BANP: variants seen among roughly 807,000 people sequenced by gnomAD.
BANP encodes BTG3 associated nuclear protein, also known as protein BANP.
In BANP, 11 loss-of-function variants were observed where a neutral mutation model predicts 68.1. That is an observed-to-expected ratio of 0.16 (90% CI 0.10 to 0.27). The LOEUF is 0.27. Ranked by LOEUF, BANP falls within the 10% of genes least tolerant of loss-of-function variation. The pLI is 1.00. For missense variants in BANP, 504 were observed against 722.7 expected, an observed-to-expected ratio of 0.70 and a Z score of 3.47; for synonymous variants, 329 against 303.2, an observed-to-expected ratio of 1.09 and a Z score of -0.88.
intron 4 of BANP, among the ~76,000 whole-genome samples, chr16:87,989,050 T>G (rs1042890425): frequency 6.6e-6 from 1 of 152,140 alleles, no homozygotes; most frequent in Non-Finnish European, 1.5e-5. Flanking sequence ...GCATTTTGGA[T>G]CCAGGTTTTT....
intron 11 of BANP, among the ~76,000 whole-genome samples, chr16:88,056,502 G>A (rs1471431687): frequency 6.7e-6 from 1 of 150,230 alleles, no homozygotes; most frequent in African/African-American, 2.5e-5. Flanking sequence ...ATGAAATGAT[G>A]ACTGAAATGT....
rs118063053 is a variant in BANP at position 88,056,229 on chromosome 16, A to G, written c.1312-9038A>G. On this transcript the variant is annotated intron_variant, in intron 11 of 13. Transcript: ENST00000682872. ...GTGGAGTGGCTGTGGAACTCCAAGG[A>G]CTCTCTGCTTCTTTGCTTCTTGGTC... Among the ~76,000 whole-genome samples the G allele has an allele frequency of 6.8e-3, 1,030 of 152,152 alleles. 4 individuals are homozygous for G. Among genetic ancestry groups the G allele is most frequent in the Non-Finnish European group, 0.012 (807 of 67,980 alleles).
intron 4 of BANP, among the ~76,000 whole-genome samples, chr16:87,996,082 G>A (rs964761892): frequency 1.3e-4 from 20 of 152,206 alleles, no homozygotes; most frequent in Admixed American, 1.0e-3. Flanking sequence ...AGGGTTAGGC[G>A]GAGAACAGAG....
In BANP at chr16:87,975,285, G is replaced by T. The variant is rs1225849825; in HGVS notation, c.70+100G>T. On this transcript the variant is annotated intron_variant, in intron 2 of 13. Coordinates refer to ENST00000682872, the MANE Select transcript of BANP (RefSeq NM_001386991.1). Reference sequence around the variant, plus strand: ...TTCTTTCCTTTAAGCAGAAGAAAAAGTAATGCATGCTGCGTATGAAAAGTT... The same window carrying T: ...TTCTTTCCTTTAAGCAGAAGAAAAATTAATGCATGCTGCGTATGAAAAGTT... The T allele has an allele frequency of 5.9e-6, 7 of 1,177,204 alleles. 1 individual carries two copies. The South Asian group carries it at 9.0e-5, about 15-fold the overall frequency. The allele number at this position is 1,177,204 out of a possible 1,614,324, so 72.9% of individuals were successfully genotyped here.
At chr16:88,029,423 C>A (rs559045959) in intron 8 of BANP, among the ~76,000 whole-genome samples, 1 of 150,512 alleles carries the variant, frequency 6.6e-6, no homozygotes, top group Non-Finnish European at 1.5e-5. Flanking sequence ...TCCTGGCTAA[C>A]ACGGTGAAAC....
intron 3 of BANP, among the ~76,000 whole-genome samples, chr16:87,981,828 G>A (rs1442422536): frequency 6.6e-6 from 1 of 152,136 alleles, no homozygotes; most frequent in East Asian, 1.9e-4. Context: ...TTACTAGATG[G>A]GGTTCTTGGG....
chr16:88,005,225 G>A (rs1466364047), intron 5 of BANP, among the ~76,000 whole-genome samples: 1 of 152,166 alleles, frequency 6.6e-6, no homozygotes, highest in Non-Finnish European at 1.5e-5. Context: ...CTGTGCCTCA[G>A]GGGCTTTGCA....
intron 7 of BANP, among the ~76,000 whole-genome samples, chr16:88,027,207 A>G (rs369817760): frequency 3.9e-5 from 6 of 152,296 alleles, no homozygotes; most frequent in East Asian, 3.9e-4. Flanking sequence ...GTGTGGGCCG[A>G]CCGAGTCAGA....
At chr16:87,967,842 C>T (rs1160414980) in intron 1 of BANP, among the ~76,000 whole-genome samples, 2 of 151,892 alleles carry the variant, frequency 1.3e-5, no homozygotes, top group East Asian at 2.0e-4. Flanking sequence ...AGGCTGGTCT[C>T]GAACTCTCGA....
At chr16:87,999,210 C>T (rs2068330792) in intron 4 of BANP, among the ~76,000 whole-genome samples, 1 of 137,386 alleles carries the variant, frequency 7.3e-6, no homozygotes. Context: ...ACTTACCAGG[C>T]CTTCCAGACA....
intron 2 of BANP, among the ~76,000 whole-genome samples, chr16:87,979,459 G>A (rs139193220): frequency 2.6e-5 from 4 of 151,242 alleles, no homozygotes; most frequent in East Asian, 1.9e-4. Flanking sequence ...ACGGCTTCCC[G>A]AACTAGGCGG....
intron 13 of BANP, among the ~76,000 whole-genome samples, chr16:88,073,602 A>T (rs2090929443): frequency 6.6e-6 from 1 of 152,124 alleles, no homozygotes; most frequent in Non-Finnish European, 1.5e-5. Flanking sequence ...CGCTTATTTT[A>T]TGTGGTGTGA....
At chr16:87,985,504 G>A (rs2064191248) in intron 4 of BANP, among the ~76,000 whole-genome samples, 1 of 151,920 alleles carries the variant, frequency 6.6e-6, no homozygotes, top group Non-Finnish European at 1.5e-5. Context: ...TTTTTTTTTA[G>A]GATAGTTTTT....
At chr16:87,981,296 A>G (rs1290343619) in intron 3 of BANP, among the ~76,000 whole-genome samples, 169 bp downstream of exon 3, 1 of 152,196 alleles carries the variant, frequency 6.6e-6, no homozygotes, top group Admixed American at 6.5e-5. Flanking sequence ...AAGGTTCTAG[A>G]AGGTGGATCC....
chr16:88,040,470 T>G (rs1469456884), intron 11 of BANP, among the ~76,000 whole-genome samples: 1 of 148,104 alleles, frequency 6.8e-6, no homozygotes, highest in Non-Finnish European at 1.5e-5. Context: ...CTCCTCCCCG[T>G]CCCCATGCCT....
intron 1 of BANP, among the ~76,000 whole-genome samples, chr16:87,962,771 C>T (rs1191179710): frequency 2.0e-5 from 3 of 152,128 alleles, no homozygotes; most frequent in Non-Finnish European, 4.4e-5. Context: ...TCTGATTTCC[C>T]GCCTATCTAG....
chr16:87,950,371 T>G (rs967623364), upstream of BANP: 2 of 152,026 alleles, frequency 1.3e-5, no homozygotes, highest in African/African-American at 4.8e-5. Context: ...GGTTTGGGAA[T>G]TTTTTCCTGT....
intron 11 of BANP, among the ~76,000 whole-genome samples, chr16:88,040,830 A>G (rs1036186406): frequency 2.0e-5 from 3 of 152,244 alleles, no homozygotes; most frequent in African/African-American, 7.2e-5. Flanking sequence ...CCCCAACCGG[A>G]GTAAGAGAAC....
chr16:88,040,977 A>G (rs2080639168), intron 11 of BANP, among the ~76,000 whole-genome samples: 1 of 152,256 alleles, frequency 6.6e-6, no homozygotes, highest in Non-Finnish European at 1.5e-5. Flanking sequence ...CAGAGCAGCT[A>G]GAAATCCTCT....
Sources: allele counts gnomAD v4.1 joint callset (sites outside exome capture counted in the v4.1 genomes callset), GRCh38; gene constraint gnomAD v4.1.1; transcripts MANE v1.5; gene names NCBI Gene and HGNC (gene_info 2026-07-23, HGNC 2026-07-21).